ADRA1B: variants seen among roughly 807,000 people sequenced by gnomAD.
The protein encoded by ADRA1B is alpha-1B adrenergic receptor.
A neutral mutation model predicts 17.9 loss-of-function variants in ADRA1B; 17 were observed. That is an observed-to-expected ratio of 0.95 (90% confidence interval 0.65 to 1.42). The LOEUF (loss-of-function observed/expected upper bound fraction) is 1.42. Ranked by LOEUF, ADRA1B falls within the 40% of genes most tolerant of loss-of-function variation. The pLI is 0.00. For synonymous variants in ADRA1B, 366 were observed against 327.6 expected (o/e 1.12, Z -1.27); for missense variants, 681 against 722.1 (o/e 0.94, Z 0.65).
At chr5:159,892,460 A>G (rs1185351899) in intron 1 of ADRA1B, among the ~76,000 whole-genome samples, 1 of 152,094 alleles carries the variant, frequency 6.6e-6, no homozygotes, top group African/African-American at 2.4e-5. Flanking sequence ...TCCACTAGCT[A>G]TTCTTCCTGA....
intron 1 of ADRA1B, among the ~76,000 whole-genome samples, chr5:159,910,660 A>T (rs372978145): frequency 6.6e-6 from 1 of 152,194 alleles, no homozygotes; most frequent in African/African-American, 2.4e-5. Flanking sequence ...ACGCAAACAA[A>T]TCAGCAAGCT....
At chr5:159,901,283 G>A (rs1366237739) in intron 1 of ADRA1B, among the ~76,000 whole-genome samples, 2 of 151,236 alleles carry the variant, frequency 1.3e-5, no homozygotes, top group Non-Finnish European at 2.9e-5. Flanking sequence ...GAGAAGTGAC[G>A]GGTCTTGTCA....
At chr5:159,959,938 G>A (rs1197762503) in intron 1 of ADRA1B, among the ~76,000 whole-genome samples, 2 of 152,108 alleles carry the variant, frequency 1.3e-5, no homozygotes, top group Non-Finnish European at 2.9e-5. Context: ...GAAGATTAGC[G>A]TTTCGATCAT....
At chr5:159,967,829 T>C (rs1272770783) in intron 1 of ADRA1B, among the ~76,000 whole-genome samples, 1 of 152,174 alleles carries the variant, frequency 6.6e-6, no homozygotes, top group African/African-American at 2.4e-5. Context: ...GGCTGAACAC[T>C]TCTCAAGGCC....
At chr5:159,948,631 G>A (rs112037475) in intron 1 of ADRA1B, 24 of 234,972 alleles carry the variant, frequency 1.0e-4, no homozygotes, top group South Asian at 4.6e-4. Context: ...TTTTTCTATG[G>A]CATATCAAAT....
intron 1 of ADRA1B, among the ~76,000 whole-genome samples, chr5:159,938,699 G>T (rs912387014): frequency 3.9e-5 from 6 of 152,212 alleles, no homozygotes; most frequent in African/African-American, 1.4e-4. Flanking sequence ...ATGTAATAAA[G>T]CTTCATTGAA....
chr5:159,913,593 C>A (rs1421394580), upstream of ADRA1B, among the ~76,000 whole-genome samples: 1 of 152,180 alleles, frequency 6.6e-6, no homozygotes, highest in African/African-American at 2.4e-5. Flanking sequence ...GACATAAGTT[C>A]TCATCTAGGT....
At chr5:159,885,364 C>T (rs1273847980) in intron 1 of ADRA1B, among the ~76,000 whole-genome samples, 2 of 152,150 alleles carry the variant, frequency 1.3e-5, no homozygotes, top group Admixed American at 1.3e-4. Flanking sequence ...CCCCCAACTC[C>T]AGGGTGAGTT....
At chr5:159,908,630 C>G (rs573594398) in intron 1 of ADRA1B, among the ~76,000 whole-genome samples, 2 of 152,156 alleles carry the variant, frequency 1.3e-5, no homozygotes, top group African/African-American at 2.4e-5. Context: ...CCCCAATAAG[C>G]CTTTCTTCTT....
chr5:159,974,393 G>A (rs1755940729), downstream of ADRA1B, among the ~76,000 whole-genome samples: 1 of 152,206 alleles, frequency 6.6e-6, no homozygotes, highest in East Asian at 1.9e-4. Flanking sequence ...CCAGCACTTT[G>A]GGAGGCCGAG....
intron 1 of ADRA1B, among the ~76,000 whole-genome samples, chr5:159,889,870 C>T (rs114999633): frequency 0.017 from 2,577 of 152,300 alleles, 65 homozygotes; most frequent in African/African-American, 0.059. Context: ...TAAATTCCTT[C>T]CTTGTTTTAT....
Position 159,922,226 on chromosome 5 carries a change from G to A in ADRA1B, c.949+4372G>A, listed in dbSNP as rs80119568. Among the ~76,000 whole-genome samples the A allele has an allele frequency of 5.4e-4, 82 of 152,294 alleles. No individual in the cohort carries two copies. In the East Asian group the frequency reaches 8.5e-3, roughly 16 times the overall value. ...ACATTCTGCTAGGCCTCCTACAGAC[G>A]TTATCTCATTAATCCTCACAGCTAC... On this transcript the variant is annotated intron_variant, in intron 1 of 1. Coordinates refer to ENST00000306675, the MANE Select transcript of ADRA1B (RefSeq NM_000679.4).
chr5:159,972,096 G>C lies in ADRA1B; in HGVS notation c.1167G>C (p.Arg389=). 1 of 1,292,560 alleles carries C rather than the reference G, an allele frequency of 7.7e-7. No individual in the cohort carries two copies. The highest frequency in any genetic ancestry group is 1.6e-5 in the African/African-American group (1 of 64,032). 80.1% of individuals were successfully genotyped at this position (1,292,560 alleles called of 1,614,324 possible). Residue 389 remains arginine (R), a synonymous_variant, in exon 2 of 2, where the codon CGG becomes CGC. Coordinates refer to ENST00000306675, the MANE Select transcript of ADRA1B (RefSeq NM_000679.4). The part of the protein sequence containing the change: ...RRLGGCAYTY[R]PWTRGGSLER... ...TGGGCGGCTGCGCCTACACCTACCG[G>C]CCGTGGACGCGCGGCGGCTCGCTGG...
At chr5:159,929,925 CA>C in intron 1 of ADRA1B, among the ~76,000 whole-genome samples, 1 of 152,240 alleles carries the variant, frequency 6.6e-6, no homozygotes, top group East Asian at 1.9e-4. Flanking sequence ...AGTGTTTTTG[CA>C]TGCAGAATGT....
intron 1 of ADRA1B, among the ~76,000 whole-genome samples, chr5:159,922,140 T>C (rs931461264): frequency 1.3e-5 from 2 of 152,222 alleles, no homozygotes; most frequent in African/African-American, 2.4e-5. Flanking sequence ...TGGCCCCTGA[T>C]TGAAGAAGGC....
intron 1 of ADRA1B, chr5:159,951,526 C>T: frequency 1.6e-6 from 1 of 640,608 alleles, no homozygotes; most frequent in African/African-American, 1.8e-5. Flanking sequence ...GCTGGCAATG[C>T]ACGAGAAGAT....
In ADRA1B at chr5:159,966,186, T is replaced by C. The variant is rs577531277; in HGVS notation, c.950-5693T>C. Reference sequence around the variant, plus strand: ...ACCCAAAATGATACATGTAGTAAAATAGACCCCAAATATGTTTCCTAAAAT... The same window carrying C: ...ACCCAAAATGATACATGTAGTAAAACAGACCCCAAATATGTTTCCTAAAAT... On this transcript the variant is annotated intron_variant, in intron 1 of 1. Transcript: ENST00000306675. Among the ~76,000 whole-genome samples, 8 of 152,278 alleles carry C rather than the reference T, an allele frequency of 5.3e-5. No homozygotes were observed. In the East Asian group the frequency reaches 9.6e-4, roughly 18 times the overall value.
chr5:159,890,649 A>C (rs375029438), intron 1 of ADRA1B, among the ~76,000 whole-genome samples: 3 of 152,272 alleles, frequency 2.0e-5, no homozygotes, highest in Middle Eastern at 3.4e-3. Flanking sequence ...AAACCCCCGC[A>C]CATGTGCCTG....
intron 1 of ADRA1B, among the ~76,000 whole-genome samples, chr5:159,891,293 T>C (rs1753980885): frequency 6.6e-6 from 1 of 152,178 alleles, no homozygotes; most frequent in African/African-American, 2.4e-5. Flanking sequence ...ACTTTTCTGA[T>C]GAAAAACGTA....
Sources: allele counts gnomAD v4.1 joint callset (sites outside exome capture counted in the v4.1 genomes callset), GRCh38; gene constraint gnomAD v4.1.1; transcripts MANE v1.5; gene names NCBI Gene and HGNC (gene_info 2026-07-23, HGNC 2026-07-21).